Variants in GABRG3 observed in about 807,000 individuals in gnomAD.
The protein encoded by GABRG3 is gamma-aminobutyric acid receptor subunit gamma-3.
A neutral mutation model predicts 48.8 loss-of-function variants in GABRG3; 25 were observed. The ratio of observed to expected loss-of-function variants is 0.51; its 90% CI spans 0.37 to 0.72. The LOEUF (loss-of-function observed/expected upper bound fraction) is 0.72, where lower values mean the gene tolerates loss of function less well. Among genes scored for constraint, GABRG3 ranks in the 30% least tolerant of loss-of-function variants. The pLI, the probability that GABRG3 is intolerant of heterozygous loss-of-function variation, is 0.00. For synonymous variants in GABRG3, 227 were observed against 217.6 expected (o/e 1.04, Z -0.38); for missense variants, 394 against 577.9 (o/e 0.68, Z 3.26).
intron 3 of GABRG3, among the ~76,000 whole-genome samples, chr15:27,187,724 TTA>T (rs1311134166): frequency 6.6e-6 from 1 of 152,102 alleles, no homozygotes. Context: ...TTAATTTTTT[TTA>T]TTTTATTTTA....
intron 3 of GABRG3, among the ~76,000 whole-genome samples, chr15:27,070,177 C>G (rs980297568): frequency 6.6e-6 from 1 of 152,350 alleles, no homozygotes; most frequent in South Asian, 2.1e-4. Flanking sequence ...GTCTGCAAAA[C>G]AAAACCTTTT....
intron 5 of GABRG3, among the ~76,000 whole-genome samples, chr15:27,403,133 GA>G (rs1197887609): frequency 1.3e-5 from 2 of 151,474 alleles, no homozygotes; most frequent in Admixed American, 6.6e-5. Context: ...AATTATAAAA[GA>G]AAAAAATTAA....
intron 5 of GABRG3, among the ~76,000 whole-genome samples, chr15:27,374,609 C>T (rs144929624): frequency 0.021 from 3,193 of 152,184 alleles, 71 homozygotes; most frequent in Non-Finnish European, 0.024. Flanking sequence ...GAACCTGTAG[C>T]AAGCACCGAG....
Position 27,538,548 on chromosome 15 carries a change from G to T in GABRG3, c.*5667G>T, listed in dbSNP as rs1891599836. 6.6e-6 allele frequency: 1 copy of T among 152,130 alleles called. No individual in the cohort carries two copies. The highest frequency in any genetic ancestry group is 2.4e-5 in the African/African-American group (1 of 41,414). 9.4% of individuals were successfully genotyped at this position (152,130 alleles called of 1,614,324 possible). On this transcript the variant is annotated 3_prime_UTR_variant, in exon 10 of 10. Transcript: ENST00000615808. Reference sequence around the variant, plus strand: ...TTTTCACATTTGTAAACACACACAGGGTTTTTCCAGCCCAGTGAGCAGGCT... The same window carrying T: ...TTTTCACATTTGTAAACACACACAGTGTTTTTCCAGCCCAGTGAGCAGGCT...
intron 3 of GABRG3, among the ~76,000 whole-genome samples, chr15:27,310,412 C>T (rs1232286728): frequency 6.6e-6 from 1 of 151,940 alleles, no homozygotes; most frequent in Admixed American, 6.6e-5. Context: ...TAAGAAAAAT[C>T]TAGTAAAAGA....
At chr15:27,196,813 C>A in intron 3 of GABRG3, among the ~76,000 whole-genome samples, 1 of 152,298 alleles carries the variant, frequency 6.6e-6, no homozygotes, top group South Asian at 2.1e-4. Flanking sequence ...TGGGCAGTAG[C>A]CTCAGGATTG....
intron 3 of GABRG3, among the ~76,000 whole-genome samples, chr15:27,303,239 A>G (rs1475315793): frequency 6.6e-6 from 1 of 151,660 alleles, no homozygotes. Flanking sequence ...AAAAAAAAAA[A>G]GACACAAATT....
At chr15:27,347,901 C>T (rs1189424642) in intron 5 of GABRG3, among the ~76,000 whole-genome samples, 1 of 152,116 alleles carries the variant, frequency 6.6e-6, no homozygotes, top group Non-Finnish European at 1.5e-5. Context: ...GGGGGTTTCC[C>T]TGTGGTTGCA....
intron 5 of GABRG3, among the ~76,000 whole-genome samples, chr15:27,349,187 C>CAT (rs968059963): frequency 0.016 from 2,460 of 151,774 alleles, 69 homozygotes; most frequent in African/African-American, 0.055. Flanking sequence ...CAAATTTATA[C>CAT]ATATATATAT....
chr15:27,422,441 T>G (rs1888152229), intron 5 of GABRG3: 1 of 150,950 alleles, frequency 6.6e-6, no homozygotes, highest in Admixed American at 6.6e-5. Context: ...AAGGTATCGA[T>G]GGGAGTGGGC....
At chr15:27,363,274 TTA>T (rs1192988880) in intron 5 of GABRG3, 2 of 152,096 alleles carry the variant, frequency 1.3e-5, no homozygotes, top group African/African-American at 2.4e-5. Flanking sequence ...GGCAAGATCT[TTA>T]TATGTTAAGG....
At position 27,412,261 on chromosome 15, in the gene GABRG3, A is replaced by G. The variant is rs78834971; in HGVS notation, c.575-68389A>G. ...CAAAAGGATAGTACAATACCAAAACATGGACACTGATAGAGTCAAGACACA... is the reference window on the plus strand; with the variant it reads ...CAAAAGGATAGTACAATACCAAAACGTGGACACTGATAGAGTCAAGACACA... On this transcript the variant is annotated intron_variant, in intron 5 of 9. Coordinates refer to ENST00000615808, the MANE Select transcript of GABRG3 (RefSeq NM_033223.5). Among the ~76,000 whole-genome samples the G allele has an allele frequency of 3.3e-5, 5 of 152,214 alleles. No homozygotes were observed. The East Asian group carries it at 9.7e-4, about 29-fold the overall frequency.
chr15:27,508,979 A>G (rs1285822006), intron 6 of GABRG3, among the ~76,000 whole-genome samples: 1 of 152,028 alleles, frequency 6.6e-6, no homozygotes, highest in African/African-American at 2.4e-5. Context: ...TTGGCCTCCT[A>G]AAGTGCTGGG....
At chr15:27,362,627 G>A (rs752626733) in intron 5 of GABRG3, 1 of 152,136 alleles carries the variant, frequency 6.6e-6, no homozygotes, top group Non-Finnish European at 1.5e-5. Flanking sequence ...TGGTAAAAAT[G>A]TTTTTCTCTG....
chr15:27,185,356 CTTCT>C lies in GABRG3; in HGVS notation c.271-141450_271-141447del, dbSNP rs1439478987. On this transcript the variant is annotated intron_variant, in intron 3 of 9. Coordinates refer to ENST00000615808, the MANE Select transcript of GABRG3 (RefSeq NM_033223.5). ...TTGGATATTTCCCTTTTGTCTTTCT[CTTCT>C]TTATTTCTCTTTTGACTCGTTATGG... Among the ~76,000 whole-genome samples, 6 of 147,804 alleles carry C rather than the reference CTTCT, an allele frequency of 4.1e-5. No individual in the cohort carries two copies. The East Asian group carries it at 9.7e-4, about 24-fold the overall frequency.
intron 3 of GABRG3, among the ~76,000 whole-genome samples, chr15:27,110,644 G>A (rs1281927746): frequency 6.6e-6 from 1 of 151,786 alleles, no homozygotes; most frequent in Non-Finnish European, 1.5e-5. Flanking sequence ...AGTTTCACTG[G>A]ATGTAGAATT....
At chr15:27,252,589 AC>A (rs1890494997) in intron 3 of GABRG3, among the ~76,000 whole-genome samples, 1 of 152,076 alleles carries the variant, frequency 6.6e-6, no homozygotes, top group African/African-American at 2.4e-5. Context: ...GCTTCCTTAA[AC>A]CTCAGGTTTC....
intron 2 of GABRG3, among the ~76,000 whole-genome samples, chr15:27,012,356 A>G (rs1340140623): frequency 6.6e-6 from 1 of 152,154 alleles, no homozygotes; most frequent in Non-Finnish European, 1.5e-5. Flanking sequence ...TTAACTTTTC[A>G]GCAATTTGAT....
chr15:27,329,000 G>T, intron 5 of GABRG3, 112 bp downstream of exon 5: 1 of 875,300 alleles, frequency 1.1e-6, no homozygotes, highest in Non-Finnish European at 1.9e-6. Context: ...CACACACAGA[G>T]AAAACTGATG....
Sources: allele counts gnomAD v4.1 joint callset (sites outside exome capture counted in the v4.1 genomes callset), GRCh38; gene constraint gnomAD v4.1.1; transcripts MANE v1.5; gene names NCBI Gene and HGNC (gene_info 2026-07-23, HGNC 2026-07-21).